NEDD4L: variants seen among roughly 807,000 people sequenced by gnomAD.
NEDD4L encodes NEDD4 like E3 ubiquitin protein ligase.
Under a neutral mutation model 148.9 loss-of-function variants are expected in NEDD4L, and 54 were observed. The observed-to-expected ratio is 0.36, with a 90% CI of 0.29 to 0.45. NEDD4L has a LOEUF of 0.45. NEDD4L is among the 20% of genes least tolerant of loss of function. NEDD4L has a pLI of 1.00. For missense variants in NEDD4L, 856 were observed against 1,233.8 expected, an observed-to-expected ratio of 0.69 and a Z score of 4.59; for synonymous variants, 433 against 440.7, an observed-to-expected ratio of 0.98 and a Z score of 0.22.
At chr18:58,230,585 C>T (rs1413786517) in intron 2 of NEDD4L, among the ~76,000 whole-genome samples, 2 of 152,022 alleles carry the variant, frequency 1.3e-5, no homozygotes, top group Non-Finnish European at 2.9e-5. Context: ...TCTAGTTATT[C>T]ATTATCAGGT....
chr18:58,345,137 C>T (rs575946), intron 16 of NEDD4L, among the ~76,000 whole-genome samples: 3 of 152,224 alleles, frequency 2.0e-5, no homozygotes, highest in Non-Finnish European at 4.4e-5. Flanking sequence ...AAATCATAAT[C>T]TGTTAGAACA....
chr18:58,305,414 C>T (rs2056947365), intron 5 of NEDD4L, among the ~76,000 whole-genome samples: 1 of 152,174 alleles, frequency 6.6e-6, no homozygotes, highest in African/African-American at 2.4e-5. Flanking sequence ...GAGGTGAGGC[C>T]TGGGTACAGT....
chr18:58,088,307 T>C (rs1467078102), intron 1 of NEDD4L, among the ~76,000 whole-genome samples: 1 of 152,120 alleles, frequency 6.6e-6, no homozygotes, highest in Non-Finnish European at 1.5e-5. Context: ...TGAGGGTGAG[T>C]CCAGGAGGCA....
rs192115287 is a variant in NEDD4L, at chr18:58,164,189, G to A, written c.49-1599G>A. On this transcript the variant is annotated intron_variant, in intron 1 of 30. Coordinates refer to ENST00000400345, the MANE Select transcript of NEDD4L (RefSeq NM_001144967.3). Reference sequence around the variant, plus strand: ...CCCTGCCTGACACTGGAGTCCCTCTGTAAAGAAGCCCCTTTCTAGCTAGCT... The same window carrying A: ...CCCTGCCTGACACTGGAGTCCCTCTATAAAGAAGCCCCTTTCTAGCTAGCT... Among the ~76,000 whole-genome samples, 120 of 151,922 alleles carry A rather than the reference G, an allele frequency of 7.9e-4. 1 individual carries two copies. Among genetic ancestry groups the A allele is most frequent in the African/African-American group, 1.3e-3 (52 of 41,430 alleles).
chr18:58,144,921 C>G (rs1018797196), intron 1 of NEDD4L, among the ~76,000 whole-genome samples: 1 of 152,168 alleles, frequency 6.6e-6, no homozygotes, highest in African/African-American at 2.4e-5. Flanking sequence ...CAGGGCCCAA[C>G]AGAGGGACCT....
At chr18:58,333,731 T>A (rs1282017274) in intron 11 of NEDD4L, 87 bp from the exon 12 acceptor site, 2 of 869,950 alleles carry the variant, frequency 2.3e-6, no homozygotes, top group Non-Finnish European at 3.9e-6. Context: ...GCGGTGAATA[T>A]GGTTGAGTGA....
intron 2 of NEDD4L, among the ~76,000 whole-genome samples, chr18:58,182,421 T>A (rs2038961870): frequency 6.6e-6 from 1 of 152,120 alleles, no homozygotes; most frequent in African/African-American, 2.4e-5. Context: ...TAAAGTTTAT[T>A]TTCTTTGCAG....
At chr18:58,205,883 T>C (rs2041933273) in intron 2 of NEDD4L, among the ~76,000 whole-genome samples, 1 of 152,080 alleles carries the variant, frequency 6.6e-6, no homozygotes, top group African/African-American at 2.4e-5. Context: ...CTGATGTTTG[T>C]TTTCCTCTGT....
intron 2 of NEDD4L, among the ~76,000 whole-genome samples, chr18:58,232,366 T>A (rs879475730): frequency 6.6e-6 from 1 of 152,198 alleles, no homozygotes; most frequent in Non-Finnish European, 1.5e-5. Context: ...TAATGTGTCC[T>A]TTTTGGATGA....
intron 1 of NEDD4L, among the ~76,000 whole-genome samples, chr18:58,068,198 T>G (rs1015903887): frequency 2.5e-5 from 3 of 122,360 alleles, no homozygotes; most frequent in African/African-American, 1.3e-4. Flanking sequence ...TTCTTTTTTT[T>G]TTTTTTTTTG....
At chr18:58,165,933 A>G in intron 2 of NEDD4L, 72 bp downstream of exon 2, 2 of 1,255,550 alleles carry the variant, frequency 1.6e-6, no homozygotes, top group South Asian at 2.6e-5. Context: ...TCAGGCACGC[A>G]TCAGAATCAC....
chr18:58,193,947 C>G (rs1207400583), intron 2 of NEDD4L: 1 of 152,318 alleles, frequency 6.6e-6, no homozygotes, highest in East Asian at 1.9e-4. Context: ...TTAGCTGTTC[C>G]GTTCTGGGGA....
chr18:58,315,831 T>C, intron 5 of NEDD4L, 151 bp from the exon 6 acceptor site: 1 of 739,506 alleles, frequency 1.4e-6, no homozygotes, highest in Non-Finnish European at 2.5e-6. Context: ...TCCCGGGGTG[T>C]GGTTACTCGT....
rs1206656156 is a variant in NEDD4L, at chr18:58,256,693, A to T, written c.297+4639A>T. ...GGCAGCAGCATTTTAGAATTCTTGT[A>T]ACCCGGGGGCCGGAAGAAGCTCCCC... On this transcript the variant is annotated intron_variant, in intron 5 of 30. Coordinates refer to ENST00000400345, the MANE Select transcript of NEDD4L (RefSeq NM_001144967.3). The surrounding 1 kb of genome is among the most constrained non-coding windows in gnomAD (Gnocchi z 5.2). The T allele has an allele frequency of 8.1e-7, 1 of 1,232,076 alleles. No individual in the cohort carries two copies. Among genetic ancestry groups the T allele is most frequent in the Admixed American group, 4.2e-5 (1 of 23,708 alleles). 76.3% of individuals were successfully genotyped at this position (1,232,076 alleles called of 1,614,324 possible).
At chr18:58,212,332 A>G (rs190424836) in intron 2 of NEDD4L, among the ~76,000 whole-genome samples, 48 of 152,212 alleles carry the variant, frequency 3.2e-4, no homozygotes, top group African/African-American at 1.1e-3. Context: ...GGGGCAATTT[A>G]GAAAGGAAAG....
intron 1 of NEDD4L, among the ~76,000 whole-genome samples, chr18:58,094,937 A>G (rs1276529247): frequency 6.6e-6 from 1 of 151,114 alleles, no homozygotes; most frequent in African/African-American, 2.4e-5. Context: ...TTCCCTGTTC[A>G]TGGCCTATGA....
At chr18:58,369,295 C>T (rs1039263479) in intron 22 of NEDD4L, among the ~76,000 whole-genome samples, 1 of 152,182 alleles carries the variant, frequency 6.6e-6, no homozygotes, top group African/African-American at 2.4e-5. Context: ...GAAGCAGGAA[C>T]CACTCAGGGT....
chr18:58,095,390 G>A (rs2084329000), intron 1 of NEDD4L, among the ~76,000 whole-genome samples: 1 of 152,236 alleles, frequency 6.6e-6, no homozygotes, highest in Non-Finnish European at 1.5e-5. Flanking sequence ...CAGATGGGGG[G>A]AAGCCAGTTC....
chr18:58,253,302 C>T lies in NEDD4L; in HGVS notation c.297+1248C>T, dbSNP rs140507592. 4.3e-3 allele frequency among the ~76,000 whole-genome samples: 654 copies of T among 152,296 alleles called. 2 individuals carry two copies. Among genetic ancestry groups the T allele is most frequent in the African/African-American group, 0.014 (597 of 41,556 alleles). ...GGTCTGACCTGCTGGCCTCCTAAGT[C>T]CCAGCCCAGTGATAGTTTGGGAATG... On this transcript the variant is annotated intron_variant, in intron 5 of 30. Transcript: ENST00000400345.
Sources: allele counts gnomAD v4.1 joint callset (sites outside exome capture counted in the v4.1 genomes callset), GRCh38; gene constraint gnomAD v4.1.1; non-coding constraint Gnocchi (gnomAD v3.1); transcripts MANE v1.5; gene names NCBI Gene and HGNC (gene_info 2026-07-23, HGNC 2026-07-21).